The following MGST2 variants were observed in gnomAD, a reference collection of about 807,000 sequenced individuals.
MGST2 encodes glutathione peroxidase MGST2.
A neutral mutation model predicts 16.6 loss-of-function variants in MGST2; 9 were observed. That is an observed-to-expected ratio of 0.54 (90% CI 0.33 to 0.95). The LOEUF is 0.95. Among genes scored for constraint, MGST2 ranks in the 40% least tolerant of loss-of-function variants. MGST2 has a pLI of 0.03. For synonymous variants in MGST2, 79 were observed against 68.0 expected, an observed-to-expected ratio of 1.16 and a Z score of -0.79; for missense variants, 159 against 175.1, an observed-to-expected ratio of 0.91 and a Z score of 0.52.
At chr4:139,713,900 G>A (rs938195686) in intron 5 of MGST2, among the ~76,000 whole-genome samples, 13 of 152,238 alleles carry the variant, frequency 8.5e-5, no homozygotes, top group African/African-American at 2.9e-4. Context: ...ATAGCAAAGC[G>A]TGGTCTCCAG....
intron 5 of MGST2, among the ~76,000 whole-genome samples, chr4:139,737,693 C>T (rs1189842733): frequency 3.3e-5 from 5 of 152,160 alleles, no homozygotes; most frequent in African/African-American, 9.7e-5. Flanking sequence ...TAAAACCTTA[C>T]AATTCCCTTT....
intron 1 of MGST2, among the ~76,000 whole-genome samples, chr4:139,669,693 T>C (rs1213561845): frequency 2.0e-5 from 3 of 152,230 alleles, no homozygotes; most frequent in Admixed American, 6.5e-5. Flanking sequence ...CCCTTCACCC[T>C]CTGAAGGTTC....
chr4:139,679,751 T>C (rs1326977275), intron 2 of MGST2, among the ~76,000 whole-genome samples: 1 of 152,150 alleles, frequency 6.6e-6, no homozygotes, highest in Non-Finnish European at 1.5e-5. Flanking sequence ...ACGAGATAAT[T>C]GTAAGAGGTG....
intron 5 of MGST2, among the ~76,000 whole-genome samples, chr4:139,729,101 G>A (rs1171837066): frequency 1.3e-5 from 2 of 150,186 alleles, no homozygotes; most frequent in African/African-American, 4.9e-5. Context: ...CTGCCAGGCG[G>A]CTGACTGACC....
the MGST2 span, among the ~76,000 whole-genome samples, chr4:139,749,893 C>CG: frequency 0.11 from 15,329 of 141,238 alleles, 1,025 homozygotes; most frequent in African/African-American, 0.14. Context: ...GAACCCCCCC[C>CG]CACCCTATTC....
intron 2 of MGST2, among the ~76,000 whole-genome samples, chr4:139,693,221 C>T (rs1726713631): frequency 1.3e-5 from 2 of 151,256 alleles, no homozygotes; most frequent in African/African-American, 2.4e-5. Flanking sequence ...ATCGAGACCA[C>T]GATGAAACCC....
intron 2 of MGST2, among the ~76,000 whole-genome samples, chr4:139,682,924 C>T (rs1731337699): frequency 6.6e-6 from 1 of 152,172 alleles, no homozygotes; most frequent in African/African-American, 2.4e-5. Context: ...ACTCACAGGC[C>T]CCTGCCTCGC....
chr4:139,754,509 T>C, the MGST2 span, among the ~76,000 whole-genome samples: 1 of 152,360 alleles, frequency 6.6e-6, no homozygotes, highest in African/African-American at 2.4e-5. Flanking sequence ...TTGTTGGACA[T>C]TTAAATAATT....
At chr4:139,737,354 A>G (rs1288592610) in intron 5 of MGST2, among the ~76,000 whole-genome samples, 1 of 68,664 alleles carries the variant, frequency 1.5e-5, no homozygotes, top group Admixed American at 1.4e-4. Flanking sequence ...AGGTTAAGGA[A>G]CTTGTCTGGT....
chr4:139,696,352 G>A (rs8192102), intron 3 of MGST2, among the ~76,000 whole-genome samples: 1,931 of 152,192 alleles, frequency 0.013, 17 homozygotes, highest in Admixed American at 0.018. Context: ...CCACTGTTAC[G>A]TTTAGTTTCA....
chr4:139,708,376 T>TA (rs1171758248), downstream of MGST2, among the ~76,000 whole-genome samples: 10 of 152,340 alleles, frequency 6.6e-5, no homozygotes, highest in South Asian at 2.1e-3. Context: ...TGGTTGTAGA[T>TA]ATGCGGCATT....
chr4:139,734,633 C>T (rs752845786), intron 5 of MGST2, among the ~76,000 whole-genome samples: 5 of 152,254 alleles, frequency 3.3e-5, no homozygotes, highest in Admixed American at 6.5e-5. Context: ...GTGTCAAAAG[C>T]ACCCTTACCT....
intron 5 of MGST2, among the ~76,000 whole-genome samples, chr4:139,739,818 C>G (rs1206176081): frequency 6.7e-6 from 1 of 148,950 alleles, no homozygotes; most frequent in Non-Finnish European, 1.5e-5. Flanking sequence ...TATACTTTTT[C>G]AAATTTTATA....
At position 139,703,476 on chromosome 4, in the gene MGST2, TG is replaced by T. The variant is rs750880756; in HGVS notation, c.253del (p.Val85CysfsTer26). ...FNQVFATCLGLVYIYGRHLYF... is the reference protein window; with the variant it reads ...FNQVFATCLGXVYIYGRHLYF... ...ATAGTTTTTGCTACTTGTCTGGGTC[TG>T]GTGTACATATATGGCCGTCACCTAT... On this transcript the variant is annotated frameshift_variant, in exon 4 of 5. Transcript: ENST00000265498. LOFTEE classifies it high-confidence loss of function. The T allele has an allele frequency of 1.2e-5, 20 of 1,613,954 alleles. No individual in the cohort carries two copies. The highest frequency in any genetic ancestry group is 1.7e-5 in the Non-Finnish European group (20 of 1,179,978).
intron 5 of MGST2, chr4:139,725,842 C>A (rs761157628): frequency 3.1e-6 from 5 of 1,612,996 alleles, no homozygotes; most frequent in East Asian, 4.5e-5. Flanking sequence ...ACTGCTAGAA[C>A]AACAGAACAC....
chr4:139,718,980 C>T, intron 5 of MGST2: 1 of 244,504 alleles, frequency 4.1e-6, no homozygotes, highest in Non-Finnish European at 7.9e-6. Context: ...GGTAATAGTC[C>T]CTCTCGGCTG....
chr4:139,732,210 C>T (rs945748635), intron 5 of MGST2, among the ~76,000 whole-genome samples: 12 of 152,048 alleles, frequency 7.9e-5, no homozygotes, highest in Non-Finnish European at 1.8e-4. Flanking sequence ...ATGCAGATAC[C>T]GTTAAACATA....
At chr4:139,710,119 G>T (rs1414201716) in intron 5 of MGST2, among the ~76,000 whole-genome samples, 1 of 152,096 alleles carries the variant, frequency 6.6e-6, no homozygotes, top group African/African-American at 2.4e-5. Flanking sequence ...GGTGGGTGGG[G>T]TATGGCCAAA....
At position 139,715,242 on chromosome 4, in the gene MGST2, A is replaced by G. The variant is rs529580550; in HGVS notation, c.*48+11046A>G. Among the ~76,000 whole-genome samples the G allele has an allele frequency of 1.4e-4, 22 of 152,252 alleles. No homozygotes were observed. Among genetic ancestry groups the G allele is most frequent in the African/African-American group, 4.6e-4 (19 of 41,556 alleles). On this transcript the variant is annotated intron_variant, in intron 5 of 5. Coordinates refer to the MGST2 transcript ENST00000616265. This position sits in a 1 kb window ranked among gnomAD's most constrained non-coding sequence, Gnocchi z 4.4. ...TACCCAGGTACCCCACCACTTACCC[A>G]AAGTCTTCCAATCAGTGCTGCAGTC...
Sources: allele counts gnomAD v4.1 joint callset (sites outside exome capture counted in the v4.1 genomes callset), GRCh38; gene constraint gnomAD v4.1.1; non-coding constraint Gnocchi (gnomAD v3.1); transcripts MANE v1.5; gene names NCBI Gene and HGNC (gene_info 2026-07-23, HGNC 2026-07-21).